Variants in ACOT11 observed in about 807,000 individuals in gnomAD.
The protein encoded by ACOT11 is acyl-coenzyme A thioesterase 11.
ACOT11 carries 69 observed loss-of-function variants against 77.5 expected under a neutral mutation model. The observed-to-expected ratio is 0.89, with a 90% CI of 0.73 to 1.09. ACOT11 has a LOEUF of 1.09. Among genes scored for constraint, ACOT11 ranks in the 50% least tolerant of loss-of-function variants. The pLI is 0.00. For missense variants in ACOT11, 766 were observed against 813.7 expected (o/e 0.94, Z 0.71); for synonymous variants, 279 against 313.0 (o/e 0.89, Z 1.15).
intron 1 of ACOT11, among the ~76,000 whole-genome samples, chr1:54,552,646 C>T (rs148953942): frequency 7.7e-4 from 117 of 152,094 alleles, no homozygotes; most frequent in African/African-American, 2.6e-3. Flanking sequence ...TGCGTGCCAT[C>T]GGCTAATTTT....
intron 8 of ACOT11, 58 bp downstream of exon 8, chr1:54,599,473 C>T (rs1643938113): frequency 6.8e-7 from 1 of 1,463,934 alleles, no homozygotes; most frequent in East Asian, 2.6e-5. Flanking sequence ...TCTTCCTGAC[C>T]CTAGAAAGGA....
chr1:54,612,401 A>G (rs1644128279), downstream of ACOT11: 1 of 981,790 alleles, frequency 1.0e-6, no homozygotes. Context: ...ATGACCTTTA[A>G]GACCCTTCCA....
intron 15 of ACOT11, chr1:54,630,584 C>T (rs1431204928): frequency 2.1e-6 from 1 of 478,624 alleles, no homozygotes; most frequent in Non-Finnish European, 3.8e-6. Flanking sequence ...GTTAATTCAA[C>T]ATCTATAGAA....
chr1:54,627,061 T>C (rs926600934), intron 15 of ACOT11, among the ~76,000 whole-genome samples: 9 of 134,830 alleles, frequency 6.7e-5, no homozygotes, highest in African/African-American at 2.3e-4. Flanking sequence ...TTCACCATGT[T>C]GGCCAGGCTG....
At chr1:54,612,719 A>C, downstream of ACOT11, 2 of 1,610,142 alleles carry the variant, frequency 1.2e-6, no homozygotes, top group Non-Finnish European at 1.7e-6. Context: ...ACCTGCAAAA[A>C]AATCAGAGAT....
intron 1 of ACOT11, among the ~76,000 whole-genome samples, chr1:54,572,417 G>C (rs898674986): frequency 1.3e-5 from 2 of 152,130 alleles, no homozygotes; most frequent in African/African-American, 4.8e-5. Context: ...TTGGCTGTCT[G>C]GCAGGTAGGG....
At chr1:54,632,413 C>T (rs1392560401) in intron 16 of ACOT11, among the ~76,000 whole-genome samples, 2 of 152,136 alleles carry the variant, frequency 1.3e-5, no homozygotes, top group Non-Finnish European at 2.9e-5. Context: ...CCAGTGGGTA[C>T]AATAGGATTA....
intron 15 of ACOT11, chr1:54,623,176 TAAAA>T: frequency 1.5e-6 from 1 of 656,834 alleles, no homozygotes; most frequent in Non-Finnish European, 2.5e-6. Flanking sequence ...AAACTCCGTC[TAAAA>T]AAAAAAAAGG....
At chr1:54,589,338 T>A (rs11800481) in intron 3 of ACOT11, among the ~76,000 whole-genome samples, 1 of 146,778 alleles carries the variant, frequency 6.8e-6, no homozygotes. Context: ...TTTTTTTTTT[T>A]AGAGAAGGAT....
chr1:54,616,083 TG>T (rs749953492), intron 15 of ACOT11: 16 of 1,613,970 alleles, frequency 9.9e-6, no homozygotes, highest in East Asian at 8.9e-5. Context: ...CTGTAGATAG[TG>T]GGGGGGTGTG....
At chr1:54,602,614 G>A (rs566508037) in intron 9 of ACOT11, 55 bp from the exon 10 acceptor site, 4 of 1,422,450 alleles carry the variant, frequency 2.8e-6, no homozygotes, top group Non-Finnish European at 3.7e-6. Context: ...GGGATGGAGA[G>A]GGGGCAGGAC....
At chr1:54,623,533 T>C in intron 15 of ACOT11, 1 of 687,846 alleles carries the variant, frequency 1.5e-6, no homozygotes, top group East Asian at 2.5e-5. Context: ...TCTGCAGCCC[T>C]GTAATATCCC....
chr1:54,602,900 G>A (rs966853955), intron 10 of ACOT11, among the ~76,000 whole-genome samples, 176 bp downstream of exon 10: 4 of 152,212 alleles, frequency 2.6e-5, no homozygotes, highest in African/African-American at 9.7e-5. Flanking sequence ...TTGTACACAC[G>A]AGGACGCTGG....
rs1644076683 is a variant in ACOT11, at chr1:54,609,114, T to A, written c.*2T>A. ...GCCCCCAGCCTCCAGACCCTCTAGATGCCCTCAGTGGCCACATCATGCCCA... is the reference window on the plus strand; with the variant it reads ...GCCCCCAGCCTCCAGACCCTCTAGAAGCCCTCAGTGGCCACATCATGCCCA... On this transcript the variant is annotated 3_prime_UTR_variant, in exon 16 of 16. Coordinates refer to ENST00000343744, the MANE Select transcript of ACOT11 (RefSeq NM_147161.4). The A allele has an allele frequency of 6.2e-7, 1 of 1,613,902 alleles. No individual in the cohort carries two copies. Among genetic ancestry groups the A allele is most frequent in the African/African-American group, 1.3e-5 (1 of 74,910 alleles).
chr1:54,585,195 T>A (rs1329466600), intron 2 of ACOT11, among the ~76,000 whole-genome samples: 1 of 152,214 alleles, frequency 6.6e-6, no homozygotes, highest in Non-Finnish European at 1.5e-5. Context: ...GCAGCGCTCC[T>A]TCCCTTGAGT....
chr1:54,609,209 C>G lies in ACOT11; in HGVS notation c.*97C>G. On this transcript the variant is annotated 3_prime_UTR_variant, in exon 16 of 16. Coordinates refer to ENST00000343744, the MANE Select transcript of ACOT11 (RefSeq NM_147161.4). ...AGAAAGCCAAAGACCTTTATTTCTTCCTGCCTCCCCGTGGGAAGCCTCCGC... is the reference window on the plus strand; with the variant it reads ...AGAAAGCCAAAGACCTTTATTTCTTGCTGCCTCCCCGTGGGAAGCCTCCGC... 1 of 1,590,744 alleles carries G rather than the reference C, an allele frequency of 6.3e-7. No homozygotes were observed. Among genetic ancestry groups the G allele is most frequent in the Non-Finnish European group, 8.6e-7 (1 of 1,167,048 alleles).
chr1:54,617,709 A>ATTTTTTTTTTTTT (rs56229276), intron 15 of ACOT11, among the ~76,000 whole-genome samples: 1 of 55,766 alleles, frequency 1.8e-5, no homozygotes, highest in African/African-American at 7.3e-5. Flanking sequence ...AGGGCCTGAG[A>ATTTTTTTTTTTTT]TTTTTTTTTT....
At chr1:54,563,086 C>T (rs1218253365) in intron 1 of ACOT11, among the ~76,000 whole-genome samples, 4 of 151,890 alleles carry the variant, frequency 2.6e-5, no homozygotes, top group Non-Finnish European at 5.9e-5. Flanking sequence ...CCCTGCGGGG[C>T]CCGTCCGCTC....
At chr1:54,612,534 A>T (rs2101016120), downstream of ACOT11, 10 of 1,613,964 alleles carry the variant, frequency 6.2e-6, no homozygotes, top group Non-Finnish European at 8.5e-6. Flanking sequence ...GGCAGCCCGC[A>T]CCATGGAAGA....
Sources: gnomAD v4.1 joint callset for allele counts (sites outside exome capture counted in the v4.1 genomes callset) on GRCh38, gnomAD v4.1.1 for gene constraint, MANE v1.5 for transcripts, NCBI Gene and HGNC (gene_info 2026-07-23, HGNC 2026-07-21) for gene names.